The following UBA1 variants were observed in gnomAD, a reference collection of about 807,000 sequenced individuals.
UBA1 encodes ubiquitin-like modifier-activating enzyme 1.
In UBA1, 4 loss-of-function variants were observed where a neutral mutation model predicts 84.7. The ratio of observed to expected loss-of-function variants is 0.05; its 90% CI spans 0.02 to 0.11. The LOEUF is 0.11. Among genes scored for constraint, UBA1 ranks in the 10% least tolerant of loss-of-function variants. The probability of loss-of-function intolerance (pLI) is 1.00; values close to 1 mark genes in which losing one functional copy is unlikely to be tolerated. For synonymous variants in UBA1, 364 were observed against 362.6 expected, an observed-to-expected ratio of 1.00 and a Z score of -0.04; for missense variants, 513 against 902.8, an observed-to-expected ratio of 0.57 and a Z score of 5.53.
At chrX:47,211,888 C>T (rs1387262563) in intron 20 of UBA1, among the ~76,000 whole-genome samples, 1 of 109,461 alleles carries the variant, frequency 9.1e-6, no homozygotes, top group Non-Finnish European at 1.9e-5. Flanking sequence ...TCTTTCCTTC[C>T]ATAGCTCTCA....
Position 47,199,261 on chromosome X carries a change from G to C in UBA1, c.229G>C (p.Val77Leu). 1 of 1,212,295 alleles carries C rather than the reference G, an allele frequency of 8.2e-7. No individual in the cohort carries two copies. Among genetic ancestry groups the C allele is most frequent in the African/African-American group, 1.7e-5 (1 of 57,939 alleles). ...MKRLQTSSVL[V>L]SGLRGLGVEI... is the part of the protein sequence containing the mutation. ...GCGGCTCCAGACATCCAGTGTCCTG[G>C]TATCAGGCCTGCGGGGCCTGGGCGT... The change falls in exon 4 of 26, where the codon GTA (valine) becomes CTA (leucine). Residue 77 changes from valine (V) to leucine (L), a missense_variant. Coordinates refer to ENST00000335972, the MANE Select transcript of UBA1 (RefSeq NM_003334.4).
In UBA1 at chrX:47,215,041, C is replaced by A; in HGVS notation, c.*112C>A. The A allele has an allele frequency of 9.5e-7, 1 of 1,052,751 alleles. No homozygotes were observed. The highest frequency in any genetic ancestry group is 1.3e-6 in the Non-Finnish European group (1 of 764,106). 86.8% of individuals were successfully genotyped at this position (1,052,751 alleles called of 1,213,427 possible). On this transcript the variant is annotated 3_prime_UTR_variant, in exon 26 of 26. Coordinates refer to ENST00000335972, the MANE Select transcript of UBA1 (RefSeq NM_003334.4). ...GCCCAACTAGCCAAGTCTGGTGTTC[C>A]CTCATCATCCCCCTACCTGAACCCC...
At chrX:47,205,877 G>A (rs1481069998) in intron 14 of UBA1, 71 bp from the exon 15 acceptor site, 2 of 1,111,573 alleles carry the variant, frequency 1.8e-6, no homozygotes, top group Non-Finnish European at 2.4e-6. Context: ...ATGTTTGTTG[G>A]GTGAATGCAC....
intron 20 of UBA1, 134 bp from the exon 21 acceptor site, chrX:47,212,290 T>C: frequency 4.0e-6 from 2 of 502,626 alleles, no homozygotes; most frequent in Non-Finnish European, 7.2e-6. Flanking sequence ...TTGCCCCTTT[T>C]CTCTCCCAGG....
chrX:47,214,375 C>T lies in UBA1; in HGVS notation c.2887C>T (p.Leu963=). 8.3e-7 allele frequency: 1 copy of T among 1,211,216 alleles called. No individual in the cohort carries two copies. Among genetic ancestry groups the T allele is most frequent in the South Asian group, 1.8e-5 (1 of 56,947 alleles). ...TLWDRFEVQG[L]QPNGEEMTLK... ...GTGGGATCGCTTTGAGGTACAAGGG[C>T]TGCAGCCTAATGGTGAGGAGATGAC... Residue 963 remains leucine (L), a synonymous_variant, in exon 24 of 26, where the codon CTG becomes TTG. Transcript: ENST00000335972.
Position 47,202,399 on chromosome X carries a change from G to A in UBA1, c.951G>A (p.Val317=). 8.3e-7 allele frequency: 1 copy of A among 1,210,817 alleles called. No individual in the cohort carries two copies. The highest frequency in any genetic ancestry group is 1.8e-5 in the South Asian group (1 of 56,677). Residue 317 remains valine (V), a synonymous_variant, in exon 10 of 26, where the codon GTG becomes GTA. Coordinates refer to ENST00000335972, the MANE Select transcript of UBA1 (RefSeq NM_003334.4). ...VASLAEPDFV[V]TDFAKFSRPA... Reference sequence around the variant, plus strand: ...CACTGGCAGAACCTGACTTTGTGGTGACGGACTTCGCCAAGTTTTCTCGCC... The same window carrying A: ...CACTGGCAGAACCTGACTTTGTGGTAACGGACTTCGCCAAGTTTTCTCGCC...
rs944014232 is a variant in UBA1, at chrX:47,210,702, G to A, written c.2200-140G>A. The stretch of plus-strand genomic sequence containing the variant: ...TGGGACCCTACAGTTGAGGTATTTT[G>A]TGATTGGCTCCAGTCCGCATCGAGT... On this transcript the variant is annotated intron_variant, in intron 18 of 25. Coordinates refer to ENST00000335972, the MANE Select transcript of UBA1 (RefSeq NM_003334.4). The A allele has an allele frequency of 1.6e-5, 9 of 579,373 alleles. No individual in the cohort carries two copies. In the African/African-American group the frequency reaches 1.6e-4, roughly 10 times the overall value. 47.7% of individuals were successfully genotyped at this position (579,373 alleles called of 1,213,427 possible).
Position 47,214,421 on chromosome X carries a change from A to G in UBA1, c.2933A>G (p.Tyr978Cys), listed in dbSNP as rs782527493. 4.3e-5 allele frequency: 52 copies of G among 1,208,372 alleles called. No homozygotes were observed. Among genetic ancestry groups the G allele is most frequent in the Non-Finnish European group, 5.6e-5 (50 of 894,353 alleles). The change falls in exon 24 of 26, where the codon TAT becomes TGT. Residue 978 changes from tyrosine (Y) to cysteine (C), a missense_variant. Transcript: ENST00000335972. ...ATGACCCTCAAACAGTTCCTCGACT[A>G]TTTTAAGGTAAGGCCCCTCCCTTAC... ...EEMTLKQFLDYFKTEHKLEIT... is the reference protein window; with the variant it reads ...EEMTLKQFLDCFKTEHKLEIT...
At position 47,211,217 on chromosome X, in the gene UBA1, C is replaced by T. The variant is rs782604274; in HGVS notation, c.2456C>T (p.Ala819Val). 2.3e-5 allele frequency: 28 copies of T among 1,207,676 alleles called. No homozygotes were observed. Among genetic ancestry groups the T allele is most frequent in the Non-Finnish European group, 3.1e-5 (28 of 895,274 alleles). ...GACCAGGAGCTGCAGAGCGCCAATG[C>T]CTCTGTTGGTGAGGGTGTTTGGCCA... ...VSDQELQSAN[A>V]SVDDSRLEEL... is the part of the protein sequence containing the mutation. Residue 819 changes from alanine (A) to valine (V), a missense_variant, in exon 20 of 26, where the codon GCC becomes GTC. Coordinates refer to ENST00000335972, the MANE Select transcript of UBA1 (RefSeq NM_003334.4).
At position 47,198,861 on chromosome X, in the gene UBA1, G is replaced by T. The variant is rs1210565675; in HGVS notation, c.59G>T (p.Gly20Val). The part of the protein sequence containing the change: ...RRVSGPDPKP[G>V]SNCSPAQSVL... The stretch of plus-strand genomic sequence containing the variant: ...GTGTCCGGGCCTGATCCAAAGCCGG[G>T]TTCTAACTGCTCCCCTGCCCAGTCC... The change falls in exon 2 of 26, where the codon GGT becomes GTT. Residue 20 changes from glycine (G) to valine (V), a missense_variant. Around this residue, in one of 6 missense-constraint regions of UBA1, gnomAD observed 38 missense variants for 43.4 expected, o/e 0.88. Transcript: ENST00000335972. 2 of 1,210,545 alleles carry T rather than the reference G, an allele frequency of 1.7e-6. No homozygotes were observed. The highest frequency in any genetic ancestry group is 2.2e-6 in the Non-Finnish European group (2 of 895,347).
chrX:47,213,866 C>CAA (rs368610527), intron 23 of UBA1, among the ~76,000 whole-genome samples: 245 of 94,457 alleles, frequency 2.6e-3, no homozygotes, highest in African/African-American at 8.7e-3. Flanking sequence ...GACTGCATCT[C>CAA]AAAAAAAAAA....
chrX:47,195,033 T>A (rs1049705358), intron 1 of UBA1, among the ~76,000 whole-genome samples: 1 of 111,335 alleles, frequency 9.0e-6, no homozygotes, highest in Non-Finnish European at 1.9e-5. Flanking sequence ...AACCCCACCC[T>A]AGACCCAGCC....
intron 16 of UBA1, among the ~76,000 whole-genome samples, chrX:47,207,422 A>T (rs1408574727): frequency 8.9e-6 from 1 of 112,365 alleles, no homozygotes; most frequent in African/African-American, 3.2e-5. Flanking sequence ...CATAAATCTC[A>T]TAATGTCTTA....
At chrX:47,213,908 G>T (rs1937035290) in intron 23 of UBA1, among the ~76,000 whole-genome samples, 1 of 111,353 alleles carries the variant, frequency 9.0e-6, no homozygotes, top group Admixed American at 9.5e-5. Context: ...ATACCAGGGG[G>T]CGAGGGGATG....
chrX:47,201,672 G>A (rs1379098986), intron 8 of UBA1, 62 bp downstream of exon 8: 87 of 1,173,977 alleles, frequency 7.4e-5, no homozygotes, highest in Non-Finnish European at 8.4e-5. Context: ...GGTTCTGGCC[G>A]GGGAGTTGAA....
chrX:47,204,728 T>C (rs2147268610), intron 14 of UBA1, among the ~76,000 whole-genome samples: 1 of 111,422 alleles, frequency 9.0e-6, no homozygotes, highest in South Asian at 3.8e-4. Flanking sequence ...GTAGTTTCAG[T>C]CTCCTAGGCT....
Position 47,199,338 on chromosome X carries a change from T to C in UBA1, c.306T>C (p.His102=). Residue 102 remains histidine, a synonymous_variant, in exon 4 of 26, where the codon CAT becomes CAC. Coordinates refer to ENST00000335972, the MANE Select transcript of UBA1 (RefSeq NM_003334.4). ...GTGGGGTCAAGGCTGTTACCCTACA[T>C]GACCAGGGCACTGCCCAGTGGGCTG... ...ILGGVKAVTL[H]DQGTAQWADL... The C allele has an allele frequency of 8.2e-7, 1 of 1,212,268 alleles. No homozygotes were observed. Among genetic ancestry groups the C allele is most frequent in the Non-Finnish European group, 1.1e-6 (1 of 895,579 alleles).
At position 47,205,968 on chromosome X, in the gene UBA1, T is replaced by C; in HGVS notation, c.1596T>C (p.Ala532=). The C allele has an allele frequency of 1.7e-6, 2 of 1,204,465 alleles. No individual in the cohort carries two copies. The highest frequency in any genetic ancestry group is 3.0e-5 in the East Asian group (1 of 33,667). ...TTTAGAAGTTAAAGTCTGACACGGC[T>C]GCTGCAGCTGTGCGCCAAATGAATC... The part of the protein sequence containing the change: ...WDVTKLKSDT[A]AAAVRQMNPH... Residue 532 remains alanine, a synonymous_variant, in exon 15 of 26, where the codon GCT becomes GCC. Coordinates refer to ENST00000335972, the MANE Select transcript of UBA1 (RefSeq NM_003334.4).
chrX:47,198,741 T>TA, intron 1 of UBA1, 62 bp from the exon 2 acceptor site: 1 of 1,097,855 alleles, frequency 9.1e-7, no homozygotes, highest in South Asian at 1.8e-5. Context: ...CAGTTGCTAC[T>TA]AACAAACAGA....
Sources: gnomAD v4.1 joint callset for allele counts (sites outside exome capture counted in the v4.1 genomes callset) on GRCh38, gnomAD v4.1.1 for gene constraint, gnomAD v4.1.1 regional missense constraint, MANE v1.5 for transcripts, NCBI Gene and HGNC (gene_info 2026-07-23, HGNC 2026-07-21) for gene names.